Variants in NPSR1 observed in about 807,000 individuals in gnomAD.
NPSR1 encodes neuropeptide S receptor 1, also known as neuropeptide S receptor.
NPSR1 carries 48 observed loss-of-function variants against 46.9 expected under a neutral mutation model. The ratio of observed to expected loss-of-function variants is 1.02; its 90% CI spans 0.81 to 1.30. The LOEUF (loss-of-function observed/expected upper bound fraction) is 1.30. NPSR1 is among the 50% of genes most tolerant of loss of function. The pLI, the probability that NPSR1 is intolerant of heterozygous loss-of-function variation, is 0.00. For synonymous variants in NPSR1, 176 were observed against 168.1 expected, an observed-to-expected ratio of 1.05 and a Z score of -0.36; for missense variants, 450 against 449.5, an observed-to-expected ratio of 1.00 and a Z score of -0.01.
At chr7:34,868,092 G>T (rs1791359977) in intron 8 of NPSR1, among the ~76,000 whole-genome samples, 2 of 151,844 alleles carry the variant, frequency 1.3e-5, no homozygotes, top group African/African-American at 4.9e-5. Flanking sequence ...TGCAGGCACA[G>T]TGGGAGAGTG....
At chr7:34,746,137 A>G (rs935335474) in intron 2 of NPSR1, among the ~76,000 whole-genome samples, 1 of 152,188 alleles carries the variant, frequency 6.6e-6, no homozygotes, top group Non-Finnish European at 1.5e-5. Flanking sequence ...CTACCTCAAT[A>G]CCAACCTTGG....
intron 2 of NPSR1, among the ~76,000 whole-genome samples, chr7:34,764,881 T>C (rs963917614): frequency 3.3e-5 from 5 of 152,106 alleles, no homozygotes; most frequent in African/African-American, 9.7e-5. Context: ...CCAGGCACAC[T>C]GGCCTATATG....
chr7:34,741,920 T>C (rs940519078), intron 2 of NPSR1, among the ~76,000 whole-genome samples: 5 of 152,242 alleles, frequency 3.3e-5, no homozygotes, highest in Admixed American at 6.5e-5. Context: ...TTCCTAGTTC[T>C]GTGAAAGTTG....
Position 34,818,893 on chromosome 7 carries a change from C to T in NPSR1, c.478+7030C>T, listed in dbSNP as rs1471719307. On this transcript the variant is annotated intron_variant, in intron 4 of 8. Coordinates refer to ENST00000360581, the MANE Select transcript of NPSR1 (RefSeq NM_207172.2). The stretch of plus-strand genomic sequence containing the variant: ...GGAGAAAGCTGACACTGGATCCCTT[C>T]CTTACACCTTATACGAAAATTAACT... Among the ~76,000 whole-genome samples, 4 of 152,208 alleles carry T rather than the reference C, an allele frequency of 2.6e-5. No homozygotes were observed. The South Asian group carries it at 8.3e-4, about 31-fold the overall frequency.
intron 8 of NPSR1, 200 bp from the exon 9 acceptor site, chr7:34,849,364 TC>T: frequency 6.4e-7 from 1 of 1,551,912 alleles, no homozygotes; most frequent in Non-Finnish European, 8.7e-7. Flanking sequence ...GATGTCTCTG[TC>T]CTCTGGGCTC....
At chr7:34,859,090 A>T (rs1252345622) in intron 8 of NPSR1, among the ~76,000 whole-genome samples, 1 of 151,642 alleles carries the variant, frequency 6.6e-6, no homozygotes. Flanking sequence ...CAGGGAGGTG[A>T]TCAACTGGGT....
Position 34,790,837 on chromosome 7 carries a change from TTA to T in NPSR1, c.384+12280_384+12281del, listed in dbSNP as rs1335630995. On this transcript the variant is annotated intron_variant, in intron 3 of 8. Coordinates refer to ENST00000360581, the MANE Select transcript of NPSR1 (RefSeq NM_207172.2). ...TATATGTTATAGGTTATATGTTATG[TTA>T]TATATATGTTATATGTTATGTTATA... Among the ~76,000 whole-genome samples, 211 of 132,396 alleles carry T rather than the reference TTA, an allele frequency of 1.6e-3. 8 individuals are homozygous for T. The highest frequency in any genetic ancestry group is 3.6e-3 in the East Asian group (17 of 4,710). 86.9% of individuals were successfully genotyped at this position (132,396 alleles called of 152,430 possible).
At chr7:34,749,985 T>G (rs910976312) in intron 2 of NPSR1, among the ~76,000 whole-genome samples, 2 of 148,602 alleles carry the variant, frequency 1.3e-5, no homozygotes, top group African/African-American at 4.9e-5. Context: ...AGGAAGAGAG[T>G]TTTTTTTTTA....
chr7:34,873,547 C>A (rs1281636250), intron 8 of NPSR1, among the ~76,000 whole-genome samples: 1 of 151,632 alleles, frequency 6.6e-6, no homozygotes. Flanking sequence ...GAAGGAGGAG[C>A]CAATGTGTCA....
rs117664045 is a variant in NPSR1, at chr7:34,667,739, T to C, written c.147+9180T>C. ...ACCCTCATGAAGATTCCCTGCCCTC[T>C]CACAAGCCTCTCTTTTCCCAGCCTT... On this transcript the variant is annotated intron_variant, in intron 1 of 8. Transcript: ENST00000360581. 1.4e-4 allele frequency among the ~76,000 whole-genome samples: 21 copies of C among 152,174 alleles called. No homozygotes were observed. The East Asian group carries it at 3.7e-3, about 27-fold the overall frequency.
At chr7:34,785,393 AG>A (rs1242767142) in intron 3 of NPSR1, among the ~76,000 whole-genome samples, 8 of 67,074 alleles carry the variant, frequency 1.2e-4, no homozygotes, top group Non-Finnish European at 1.9e-4. Context: ...GGGTGGGGGG[AG>A]GGGGGAGGGA....
chr7:34,721,303 A>G (rs2128707742), intron 2 of NPSR1, among the ~76,000 whole-genome samples: 1 of 152,352 alleles, frequency 6.6e-6, no homozygotes, highest in East Asian at 1.9e-4. Context: ...TAGGAATGGA[A>G]GATAGCAACG....
At chr7:34,734,548 C>T (rs10242190) in intron 2 of NPSR1, among the ~76,000 whole-genome samples, 21,005 of 152,138 alleles carry the variant, frequency 0.14, 1,604 homozygotes, top group Non-Finnish European at 0.17. Context: ...TCTCCAGGCC[C>T]ACAGACTGGG....
chr7:34,721,865 C>T (rs911100794), intron 2 of NPSR1, among the ~76,000 whole-genome samples: 1 of 151,896 alleles, frequency 6.6e-6, no homozygotes, highest in Non-Finnish European at 1.5e-5. Flanking sequence ...AGTCCTAAGA[C>T]TAAAGAAATA....
intron 6 of NPSR1, among the ~76,000 whole-genome samples, chr7:34,842,451 C>T (rs542108736): frequency 2.7e-4 from 41 of 152,182 alleles, no homozygotes; most frequent in Non-Finnish European, 4.7e-4. Flanking sequence ...ACCCACTAGA[C>T]GCCAGTAGCA....
intron 6 of NPSR1, among the ~76,000 whole-genome samples, chr7:34,843,149 G>A (rs1790628515): frequency 6.6e-6 from 1 of 152,124 alleles, no homozygotes; most frequent in Non-Finnish European, 1.5e-5. Flanking sequence ...GTCCACAGTT[G>A]GTTTCTATCT....
intron 4 of NPSR1, among the ~76,000 whole-genome samples, chr7:34,825,628 G>T (rs1298555769): frequency 1.3e-5 from 2 of 152,150 alleles, no homozygotes; most frequent in African/African-American, 4.8e-5. Context: ...GAGGGTGGAA[G>T]GTCACTGCCC....
intron 3 of NPSR1, among the ~76,000 whole-genome samples, chr7:34,790,081 C>A (rs190638758): frequency 6.6e-6 from 1 of 152,038 alleles, no homozygotes; most frequent in Non-Finnish European, 1.5e-5. Flanking sequence ...GAGAAAATTA[C>A]AGGGCAATAA....
intron 2 of NPSR1, among the ~76,000 whole-genome samples, chr7:34,721,480 C>A (rs1783855331): frequency 6.6e-6 from 1 of 152,166 alleles, no homozygotes. Context: ...GACCCCACCT[C>A]CCTCCCACCT....
Sources: allele counts gnomAD v4.1 joint callset (sites outside exome capture counted in the v4.1 genomes callset), GRCh38; gene constraint gnomAD v4.1.1; transcripts MANE v1.5; gene names NCBI Gene and HGNC (gene_info 2026-07-23, HGNC 2026-07-21).